The following PDE1A variants were observed in gnomAD, a reference collection of about 807,000 sequenced individuals.
PDE1A encodes phosphodiesterase 1A.
A neutral mutation model predicts 61.7 loss-of-function variants in PDE1A; 35 were observed. That is an observed-to-expected ratio of 0.57 (90% CI 0.43 to 0.75). The LOEUF (loss-of-function observed/expected upper bound fraction) is 0.75. Ranked by LOEUF, PDE1A falls within the 30% of genes least tolerant of loss-of-function variation. The probability of loss-of-function intolerance (pLI) is 0.00; values close to 1 mark genes in which losing one functional copy is unlikely to be tolerated. For missense variants in PDE1A, 597 were observed against 630.6 expected (o/e 0.95, Z 0.57); for synonymous variants, 232 against 213.2 (o/e 1.09, Z -0.77).
At position 182,517,402 on chromosome 2, in the gene PDE1A, G is replaced by A. The variant is rs548271724; in HGVS notation, c.101+4874C>T. Among the ~76,000 whole-genome samples, 23 of 152,128 alleles carry A rather than the reference G, an allele frequency of 1.5e-4. No individual in the cohort carries two copies. The South Asian group carries it at 1.9e-3, about 12-fold the overall frequency. ...CCACCTGGTTTTAGTCACTATTTTCGCAGCCTGGCTGATCTAATTTTCTAG... is the reference window on the plus strand; with the variant it reads ...CCACCTGGTTTTAGTCACTATTTTCACAGCCTGGCTGATCTAATTTTCTAG... On this transcript the variant is annotated intron_variant, in intron 2 of 14. Coordinates refer to the PDE1A transcript ENST00000410103.
downstream of PDE1A, among the ~76,000 whole-genome samples, chr2:182,163,348 C>T (rs992475341): frequency 1.3e-5 from 2 of 152,154 alleles, no homozygotes; most frequent in South Asian, 2.1e-4. Context: ...GCCCTCCTAC[C>T]TCAGGGGTAT....
chr2:182,652,418 C>T, the PDE1A span, among the ~76,000 whole-genome samples: 1 of 152,150 alleles, frequency 6.6e-6, no homozygotes, highest in South Asian at 2.1e-4. Flanking sequence ...ATTTCAACTG[C>T]CTATTTTACA....
intron 1 of PDE1A, among the ~76,000 whole-genome samples, chr2:182,344,047 T>C (rs1459790370): frequency 2.0e-5 from 3 of 151,934 alleles, no homozygotes; most frequent in Non-Finnish European, 4.4e-5. Context: ...ATTTTTAATA[T>C]TTTTTGTAGA....
At chr2:182,573,117 G>A in the PDE1A span, among the ~76,000 whole-genome samples, 9 of 152,002 alleles carry the variant, frequency 5.9e-5, no homozygotes, top group East Asian at 1.9e-4. Context: ...TGCCTCGCAC[G>A]TTATTCTATA....
intron 1 of PDE1A, among the ~76,000 whole-genome samples, chr2:182,349,371 G>A (rs1310615911): frequency 6.6e-6 from 1 of 152,142 alleles, no homozygotes. Flanking sequence ...AAGTAACATG[G>A]CTGTTGAGTT....
chr2:182,450,895 T>A (rs1204240319), intron 2 of PDE1A, among the ~76,000 whole-genome samples: 1 of 151,966 alleles, frequency 6.6e-6, no homozygotes, highest in Admixed American at 6.6e-5. Context: ...TCTGAAACAA[T>A]AGAGAATATC....
chr2:182,482,512 A>C (rs904962060), intron 2 of PDE1A, among the ~76,000 whole-genome samples: 3 of 151,266 alleles, frequency 2.0e-5, no homozygotes, highest in Non-Finnish European at 4.4e-5. Flanking sequence ...AGTCTCCACA[A>C]AAAAAAAATG....
chr2:182,460,403 C>G (rs913466159), intron 2 of PDE1A, among the ~76,000 whole-genome samples: 1 of 152,076 alleles, frequency 6.6e-6, no homozygotes, highest in Admixed American at 6.6e-5. Flanking sequence ...TATTGAAACC[C>G]ATATGTAACA....
chr2:182,191,768 T>G (rs1685710427), intron 10 of PDE1A, among the ~76,000 whole-genome samples: 1 of 151,914 alleles, frequency 6.6e-6, no homozygotes, highest in African/African-American at 2.4e-5. Flanking sequence ...TAGATGTATT[T>G]TTATACTCTG....
chr2:182,490,824 G>C (rs150787273), intron 2 of PDE1A, among the ~76,000 whole-genome samples: 5 of 152,108 alleles, frequency 3.3e-5, no homozygotes, highest in African/African-American at 9.7e-5. Flanking sequence ...ATACAAGTAG[G>C]GGATGGTCTT....
the PDE1A span, among the ~76,000 whole-genome samples, chr2:182,631,050 G>A: frequency 6.6e-6 from 1 of 151,946 alleles, no homozygotes; most frequent in East Asian, 1.9e-4. Flanking sequence ...TTTATTATAA[G>A]GTATTGGCTC....
At chr2:182,172,351 A>C (rs957706902) in intron 13 of PDE1A, among the ~76,000 whole-genome samples, 8 of 152,054 alleles carry the variant, frequency 5.3e-5, no homozygotes, top group African/African-American at 1.9e-4. Flanking sequence ...ATTTGTTTGC[A>C]CTGGTACACA....
intron 1 of PDE1A, among the ~76,000 whole-genome samples, chr2:182,297,367 G>A (rs1160143293): frequency 6.6e-6 from 1 of 151,926 alleles, no homozygotes; most frequent in Non-Finnish European, 1.5e-5. Flanking sequence ...CCTGAGCCCA[G>A]TGGAGAAAAA....
intron 1 of PDE1A, among the ~76,000 whole-genome samples, chr2:182,311,427 T>C (rs1167045805): frequency 6.6e-6 from 1 of 152,218 alleles, no homozygotes; most frequent in Non-Finnish European, 1.5e-5. Flanking sequence ...CAAATGTATA[T>C]AGTCACGTTA....
chr2:182,390,563 G>C (rs915049278), intron 1 of PDE1A, among the ~76,000 whole-genome samples: 1 of 152,152 alleles, frequency 6.6e-6, no homozygotes, highest in Non-Finnish European at 1.5e-5. Flanking sequence ...AGCATATACT[G>C]AGCCTCAAAA....
At chr2:182,618,875 C>A in the PDE1A span, among the ~76,000 whole-genome samples, 1 of 152,088 alleles carries the variant, frequency 6.6e-6, no homozygotes, top group African/African-American at 2.4e-5. Flanking sequence ...AAAGAGAAGA[C>A]AACCTCAAAG....
At chr2:182,453,617 G>C (rs575115268) in intron 2 of PDE1A, among the ~76,000 whole-genome samples, 2 of 152,156 alleles carry the variant, frequency 1.3e-5, no homozygotes, top group Non-Finnish European at 2.9e-5. Context: ...GTCAACATAT[G>C]AAAATCAATA....
At chr2:182,252,813 G>A (rs1691500198) in intron 2 of PDE1A, among the ~76,000 whole-genome samples, 6 of 152,218 alleles carry the variant, frequency 3.9e-5, no homozygotes, top group Non-Finnish European at 7.3e-5. Context: ...AGATAGGCCT[G>A]AGACAGCCTC....
chr2:182,147,230 G>A (rs1024969929), intron 13 of PDE1A, 78 bp from the exon 14 acceptor site: 1 of 744,282 alleles, frequency 1.3e-6, no homozygotes, highest in Admixed American at 3.0e-5. Context: ...GGAGACTGAA[G>A]AACTTTATAA....
Sources: allele counts gnomAD v4.1 joint callset (sites outside exome capture counted in the v4.1 genomes callset), GRCh38; gene constraint gnomAD v4.1.1; transcripts MANE v1.5; gene names NCBI Gene and HGNC (gene_info 2026-07-23, HGNC 2026-07-21).